ZSWIM7: variants seen among roughly 807,000 people sequenced by gnomAD.
ZSWIM7 encodes zinc finger SWIM domain-containing protein 7.
Under a neutral mutation model 21.1 loss-of-function variants are expected in ZSWIM7, and 22 were observed. That is an observed-to-expected ratio of 1.04 (90% CI 0.74 to 1.49). The LOEUF (loss-of-function observed/expected upper bound fraction) is 1.49. Ranked by LOEUF, ZSWIM7 falls within the 40% of genes most tolerant of loss-of-function variation. ZSWIM7 has a pLI of 0.00. For missense variants in ZSWIM7, 193 were observed against 168.0 expected (o/e 1.15, Z -0.82); for synonymous variants, 67 against 66.5 (o/e 1.01, Z -0.04).
At chr17:15,986,143 A>G (rs1970407419) in intron 3 of ZSWIM7, among the ~76,000 whole-genome samples, 1 of 152,144 alleles carries the variant, frequency 6.6e-6, no homozygotes, top group South Asian at 2.1e-4. Context: ...TCCTGGGTTC[A>G]AGCAATTCTT....
Position 15,993,766 on chromosome 17 carries a change from T to C in ZSWIM7, c.89A>G (p.Tyr30Cys), listed in dbSNP as rs746200072. Residue 30 changes from tyrosine to cysteine, a missense_variant, in exon 2 of 5, where the codon TAT becomes TGT. Physicochemically the swap from Tyr to Cys is radical, Grantham distance 194. Coordinates refer to ENST00000399277, the MANE Select transcript of ZSWIM7 (RefSeq NM_001042697.2). The part of the protein sequence containing the change: ...VQESARIPDE[Y>C]LLSLKFLFGS... Reference sequence around the variant, plus strand: ...CAGTATATGTACTTACGATAACAGATATTCATCAGGAACTGTAAAATGAGA... The same window carrying C: ...CAGTATATGTACTTACGATAACAGACATTCATCAGGAACTGTAAAATGAGA... The C allele has an allele frequency of 1.3e-6, 2 of 1,502,292 alleles. No individual in the cohort carries two copies. Among genetic ancestry groups the C allele is most frequent in the South Asian group, 2.3e-5 (2 of 88,110 alleles). The allele number at this position is 1,502,292 out of a possible 1,614,324, so 93.1% of individuals were successfully genotyped here.
At chr17:15,983,100 A>G (rs1028887044) in intron 3 of ZSWIM7, among the ~76,000 whole-genome samples, 2 of 152,030 alleles carry the variant, frequency 1.3e-5, no homozygotes, top group African/African-American at 4.8e-5. Flanking sequence ...TAATCCCAGC[A>G]CTTTGGGAGG....
At chr17:15,983,984 G>A (rs11868910) in intron 3 of ZSWIM7, among the ~76,000 whole-genome samples, 6,682 of 152,112 alleles carry the variant, frequency 0.044, 329 homozygotes, top group African/African-American at 0.12. Flanking sequence ...TTAAACTTAA[G>A]CAAGCAGAAG....
intron 2 of ZSWIM7, among the ~76,000 whole-genome samples, chr17:15,988,710 G>A (rs1400600633): frequency 6.6e-6 from 1 of 151,870 alleles, no homozygotes; most frequent in Non-Finnish European, 1.5e-5. Context: ...ACTCCCACCA[G>A]CACTGTATAA....
chr17:15,988,042 C>A (rs1231694511), intron 2 of ZSWIM7, among the ~76,000 whole-genome samples: 1 of 152,110 alleles, frequency 6.6e-6, no homozygotes, highest in East Asian at 1.9e-4. Flanking sequence ...TGGTTTCCTT[C>A]CTGTTAATGT....
At chr17:15,983,957 G>C (rs1173454578) in intron 3 of ZSWIM7, among the ~76,000 whole-genome samples, 1 of 151,950 alleles carries the variant, frequency 6.6e-6, no homozygotes, top group Admixed American at 6.6e-5. Flanking sequence ...TAGTTATCTC[G>C]TCTCTTCTCT....
chr17:15,983,344 CAAAAAAA>C (rs58918337), intron 3 of ZSWIM7, among the ~76,000 whole-genome samples: 10 of 44,604 alleles, frequency 2.2e-4, no homozygotes, highest in African/African-American at 3.2e-4. Flanking sequence ...GACTCTGTCT[CAAAAAAA>C]AAAAAAAAAA....
chr17:15,991,054 G>A (rs2151628034), intron 2 of ZSWIM7: 1 of 152,124 alleles, frequency 6.6e-6, no homozygotes, highest in South Asian at 2.1e-4. Context: ...GCTGCAGTGA[G>A]TTGAGATCGC....
intron 2 of ZSWIM7, among the ~76,000 whole-genome samples, chr17:15,992,699 A>G (rs1970501587): frequency 6.6e-6 from 1 of 152,110 alleles, no homozygotes; most frequent in African/African-American, 2.4e-5. Flanking sequence ...TCGGCCTCCC[A>G]AAATGCTGCG....
chr17:15,998,228 C>A (rs1970589039), intron 1 of ZSWIM7, among the ~76,000 whole-genome samples: 1 of 152,156 alleles, frequency 6.6e-6, no homozygotes, highest in Non-Finnish European at 1.5e-5. Flanking sequence ...AATCTGAGAG[C>A]CCAGAACAAT....
intron 1 of ZSWIM7, among the ~76,000 whole-genome samples, chr17:15,998,880 G>A (rs147051772): frequency 2.6e-5 from 4 of 151,380 alleles, no homozygotes; most frequent in Admixed American, 6.6e-5. Context: ...TCAGCCTCCT[G>A]AGTAGCTGGA....
At chr17:15,993,359 T>TATTTATTG (rs1970509112) in intron 2 of ZSWIM7, among the ~76,000 whole-genome samples, 1 of 150,118 alleles carries the variant, frequency 6.7e-6, no homozygotes, top group African/African-American at 2.5e-5. Flanking sequence ...TTTATTTATT[T>TATTTATTG]ATTTATTTAT....
Position 15,999,623 on chromosome 17 carries a change from G to C in ZSWIM7, c.-29C>G, listed in dbSNP as rs546395829. ...GCCGCAGGACACGCCCTCCACGACCGGCGGACCGCCGCGACGCTCCAGCTG... is the reference window on the plus strand; with the variant it reads ...GCCGCAGGACACGCCCTCCACGACCCGCGGACCGCCGCGACGCTCCAGCTG... On this transcript the variant is annotated 5_prime_UTR_variant, in exon 1 of 5. Coordinates refer to ENST00000399277, the MANE Select transcript of ZSWIM7 (RefSeq NM_001042697.2). The C allele has an allele frequency of 1.9e-4, 291 of 1,566,896 alleles. No homozygotes were observed. The highest frequency in any genetic ancestry group is 6.7e-4 in the East Asian group (28 of 41,876).
intron 3 of ZSWIM7, among the ~76,000 whole-genome samples, chr17:15,982,199 T>C (rs1970363789): frequency 6.6e-6 from 1 of 152,000 alleles, no homozygotes; most frequent in South Asian, 2.1e-4. Context: ...ACAAGACACA[T>C]CTGTAGTATG....
intron 3 of ZSWIM7, 64 bp downstream of exon 3, chr17:15,987,202 G>C: frequency 7.5e-7 from 1 of 1,332,426 alleles, no homozygotes. Context: ...AGCTTCTACA[G>C]AGATGAAGAA....
chr17:15,990,457 T>C (rs145594447), intron 2 of ZSWIM7, among the ~76,000 whole-genome samples: 4,128 of 152,040 alleles, frequency 0.027, 190 homozygotes, highest in African/African-American at 0.094. Flanking sequence ...GTGATTCTCC[T>C]GCTTTAGCCT....
chr17:15,980,007 C>T (rs1251577169), intron 4 of ZSWIM7, among the ~76,000 whole-genome samples: 2 of 147,794 alleles, frequency 1.4e-5, no homozygotes, highest in Admixed American at 6.6e-5. Context: ...CCTCATCTCC[C>T]GGACGAGGCG....
intron 3 of ZSWIM7, among the ~76,000 whole-genome samples, chr17:15,985,062 T>C (rs2151623475): frequency 6.6e-6 from 1 of 152,290 alleles, no homozygotes; most frequent in Admixed American, 6.5e-5. Flanking sequence ...CCCAGCACTT[T>C]GGAAAGCAAA....
chr17:15,978,866 TTATCTCACTGAAATCTGACAGCTCCC>T (rs1970310333), intron 4 of ZSWIM7, among the ~76,000 whole-genome samples: 1 of 152,168 alleles, frequency 6.6e-6, no homozygotes, highest in African/African-American at 2.4e-5. Context: ...TTCTCATAGA[TTATCTCACTGAAATCTGACAGCTCCC>T]TAGGAAGACA....
Sources: gnomAD v4.1 joint callset for allele counts (sites outside exome capture counted in the v4.1 genomes callset) on GRCh38, gnomAD v4.1.1 for gene constraint, MANE v1.5 for transcripts, NCBI Gene and HGNC (gene_info 2026-07-23, HGNC 2026-07-21) for gene names.